Variants in DAB1 observed in about 807,000 individuals in gnomAD.
DAB1 encodes disabled homolog 1.
A neutral mutation model predicts 64.6 loss-of-function variants in DAB1; 15 were observed. The ratio of observed to expected loss-of-function variants is 0.23; its 90% CI spans 0.16 to 0.36. The LOEUF is 0.36. Ranked by LOEUF, DAB1 falls within the 10% of genes least tolerant of loss-of-function variation. DAB1 has a pLI of 1.00. For synonymous variants in DAB1, 235 were observed against 251.9 expected, an observed-to-expected ratio of 0.93 and a Z score of 0.64; for missense variants, 596 against 706.7, an observed-to-expected ratio of 0.84 and a Z score of 1.78.
At chr1:58,396,265 G>A (rs1644521271) in intron 3 of DAB1, among the ~76,000 whole-genome samples, 2 of 152,072 alleles carry the variant, frequency 1.3e-5, no homozygotes, top group Admixed American at 6.5e-5. Flanking sequence ...CCAGTCAGAG[G>A]GAACTGCCGG....
At chr1:58,433,210 T>C (rs1185811247) in intron 3 of DAB1, among the ~76,000 whole-genome samples, 1 of 152,152 alleles carries the variant, frequency 6.6e-6, no homozygotes, top group Non-Finnish European at 1.5e-5. Context: ...ACACAGGCAG[T>C]CTTAACTATC....
intron 14 of DAB1, among the ~76,000 whole-genome samples, chr1:57,001,455 T>C (rs1004224025): frequency 2.6e-5 from 4 of 152,154 alleles, no homozygotes; most frequent in African/African-American, 4.8e-5. Context: ...ATACCCCTTC[T>C]AGAGCATGAA....
At chr1:57,776,612 A>G (rs1285736422) in intron 6 of DAB1, among the ~76,000 whole-genome samples, 1 of 151,596 alleles carries the variant, frequency 6.6e-6, no homozygotes, top group Non-Finnish European at 1.5e-5. Flanking sequence ...TATTATTTAT[A>G]TATTTGGTTA....
intron 4 of DAB1, among the ~76,000 whole-genome samples, chr1:58,246,272 T>C (rs11583783): frequency 0.46 from 70,678 of 152,044 alleles, 17,036 homozygotes; most frequent in Middle Eastern, 0.6. Flanking sequence ...TGAGATTGAA[T>C]AGTGGAATGG....
rs1305039033 is a variant in DAB1 at position 57,152,466 on chromosome 1, A to AG, written c.68-7038dup. On this transcript the variant is annotated intron_variant, in intron 2 of 14. Transcript: ENST00000371236. ...TTTGAATTCCAAAGGAGGAAGATATAGGGGTTATGCAGCATCATAGAGTTG... is the reference window on the plus strand; with the variant it reads ...TTTGAATTCCAAAGGAGGAAGATATAGGGGGTTATGCAGCATCATAGAGTTG... 2.6e-5 allele frequency among the ~76,000 whole-genome samples: 4 copies of AG among 152,352 alleles called. No individual in the cohort carries two copies. The East Asian group carries it at 7.7e-4, about 29-fold the overall frequency.
At chr1:57,173,061 C>A (rs1490835531) in intron 2 of DAB1, among the ~76,000 whole-genome samples, 1 of 152,154 alleles carries the variant, frequency 6.6e-6, no homozygotes, top group Non-Finnish European at 1.5e-5. Context: ...TATAAAGGTT[C>A]TTCTGAAGCT....
intron 4 of DAB1, among the ~76,000 whole-genome samples, chr1:57,109,943 G>C (rs1158548058): frequency 1.3e-5 from 2 of 152,262 alleles, no homozygotes; most frequent in East Asian, 3.9e-4. Flanking sequence ...ACCTCCCAGG[G>C]AAGCAGAAAT....
At chr1:57,771,654 G>A (rs993641934) in intron 6 of DAB1, among the ~76,000 whole-genome samples, 3 of 151,942 alleles carry the variant, frequency 2.0e-5, no homozygotes, top group African/African-American at 4.8e-5. Context: ...TGGCAAATTC[G>A]TACACCTGTA....
chr1:58,241,687 C>T (rs990338702), intron 4 of DAB1, among the ~76,000 whole-genome samples: 1 of 151,958 alleles, frequency 6.6e-6, no homozygotes, highest in African/African-American at 2.4e-5. Context: ...CACTTAAAAG[C>T]AAATTCAAAT....
chr1:57,006,546 G>C (rs1314561393), intron 14 of DAB1, among the ~76,000 whole-genome samples: 1 of 152,114 alleles, frequency 6.6e-6, no homozygotes, highest in South Asian at 2.1e-4. Flanking sequence ...ACTGCCCTTA[G>C]CTAGACCCTG....
chr1:58,230,325 T>C (rs1374531839), intron 4 of DAB1, among the ~76,000 whole-genome samples: 1 of 152,172 alleles, frequency 6.6e-6, no homozygotes, highest in Non-Finnish European at 1.5e-5. Context: ...GAGAAGACTT[T>C]AAAAACTGCT....
chr1:57,695,234 A>AAAGAAAG (rs1646809557), intron 6 of DAB1, among the ~76,000 whole-genome samples: 1 of 116,622 alleles, frequency 8.6e-6, no homozygotes, highest in African/African-American at 3.7e-5. Context: ...TCTAAGAAAG[A>AAAGAAAG]AAGGAAGAAA....
intron 1 of DAB1, among the ~76,000 whole-genome samples, chr1:57,352,829 A>G (rs1035544990): frequency 2.0e-5 from 3 of 152,150 alleles, no homozygotes; most frequent in African/African-American, 4.8e-5. Context: ...CCCTCAATCA[A>G]TAATAATTGA....
At chr1:57,362,736 T>A (rs965357204) in intron 1 of DAB1, among the ~76,000 whole-genome samples, 1 of 152,112 alleles carries the variant, frequency 6.6e-6, no homozygotes, top group Non-Finnish European at 1.5e-5. Context: ...GGACTTAAGT[T>A]GTTTATTAGC....
At chr1:57,454,468 C>A (rs1686504421) in intron 7 of DAB1, among the ~76,000 whole-genome samples, 1 of 151,904 alleles carries the variant, frequency 6.6e-6, no homozygotes, top group Admixed American at 6.6e-5. Context: ...AACCCCTGAA[C>A]ACAAAGAAAT....
At chr1:57,571,966 GA>G (rs1420101746) in intron 7 of DAB1, among the ~76,000 whole-genome samples, 1 of 152,172 alleles carries the variant, frequency 6.6e-6, no homozygotes, top group Non-Finnish European at 1.5e-5. Context: ...AGGTGCTTTG[GA>G]AAATACAATT....
At chr1:57,455,533 A>C (rs536198045) in intron 7 of DAB1, among the ~76,000 whole-genome samples, 1 of 152,234 alleles carries the variant, frequency 6.6e-6, no homozygotes, top group South Asian at 2.1e-4. Flanking sequence ...GATCCCTAAA[A>C]CCACAGTGTG....
chr1:57,904,332 T>C (rs1236403352), intron 5 of DAB1, among the ~76,000 whole-genome samples: 1 of 152,178 alleles, frequency 6.6e-6, no homozygotes, highest in Non-Finnish European at 1.5e-5. Flanking sequence ...TTCCTATTTA[T>C]TCTTCAAAAT....
Position 58,290,557 on chromosome 1 carries a change from T to TA in DAB1, n.309+52794dup, listed in dbSNP as rs548978184. ...TCTAATCTATATGTCACAGTAGTTG[T>TA]AAAAAAAAATTGGTATTTCTCCATT... On this transcript the variant is annotated intron_variant and non_coding_transcript_variant, in intron 4 of 20. Coordinates refer to the DAB1 transcript ENST00000485760. 1.6e-3 allele frequency among the ~76,000 whole-genome samples: 238 copies of TA among 151,494 alleles called. 1 individual carries two copies. The highest frequency in any genetic ancestry group is 2.8e-3 in the Non-Finnish European group (189 of 67,798).
Sources: gnomAD v4.1 joint callset for allele counts (sites outside exome capture counted in the v4.1 genomes callset) on GRCh38, gnomAD v4.1.1 for gene constraint, MANE v1.5 for transcripts, NCBI Gene and HGNC (gene_info 2026-07-23, HGNC 2026-07-21) for gene names.